The following IRAK3 variants were observed in gnomAD, a reference collection of about 807,000 sequenced individuals.
The protein encoded by IRAK3 is interleukin-1 receptor-associated kinase 3.
IRAK3 carries 57 observed loss-of-function variants against 56.6 expected under a neutral mutation model. The observed-to-expected ratio is 1.01, with a 90% confidence interval of 0.81 to 1.26. The LOEUF is 1.26. Among genes scored for constraint, IRAK3 ranks in the 50% most tolerant of loss-of-function variants. The probability of loss-of-function intolerance (pLI) is 0.00; values close to 1 mark genes in which losing one functional copy is unlikely to be tolerated. For synonymous variants in IRAK3, 258 were observed against 255.7 expected, an observed-to-expected ratio of 1.01 and a Z score of -0.09; for missense variants, 703 against 719.0, an observed-to-expected ratio of 0.98 and a Z score of 0.25.
chr12:66,203,998 C>A, intron 2 of IRAK3, 105 bp downstream of exon 2: 2 of 1,038,210 alleles, frequency 1.9e-6, no homozygotes, highest in Non-Finnish European at 3.0e-6. Context: ...TGCTCTGTGT[C>A]AGTGTTTCCT....
At chr12:66,242,764 T>C (rs1485193829) in intron 8 of IRAK3, among the ~76,000 whole-genome samples, 1 of 152,216 alleles carries the variant, frequency 6.6e-6, no homozygotes, top group East Asian at 1.9e-4. Flanking sequence ...AAGTTTAAAA[T>C]GTGTCTTTAT....
At chr12:66,228,486 A>C in intron 8 of IRAK3, 116 bp downstream of exon 8, 1 of 789,724 alleles carries the variant, frequency 1.3e-6, no homozygotes, top group Non-Finnish European at 2.3e-6. Context: ...GTGTGTGTTA[A>C]GAATTCTCAT....
At chr12:66,239,317 G>A (rs1405330713) in intron 8 of IRAK3, among the ~76,000 whole-genome samples, 1 of 131,262 alleles carries the variant, frequency 7.6e-6, no homozygotes, top group Non-Finnish European at 1.7e-5. Context: ...TTTTTTTAAT[G>A]GAAATTGATC....
intron 6 of IRAK3, among the ~76,000 whole-genome samples, chr12:66,220,955 G>C (rs2052727230): frequency 6.6e-6 from 1 of 152,154 alleles, no homozygotes; most frequent in Non-Finnish European, 1.5e-5. Context: ...AGCTCACTTT[G>C]AGTAGTATGG....
chr12:66,217,181 T>C lies in IRAK3; in HGVS notation c.599T>C (p.Met200Thr), dbSNP rs758207100. Residue 200 changes from methionine to threonine, a missense_variant, in exon 6 of 12, where the codon ATG (methionine) becomes ACG (threonine). Transcript: ENST00000261233. ...TTTCTGTATATGTAGGAGAAAAAAA[T>C]GCAGTGTAAGAAGCATTGGAAGAGG... ...AVKLFKQEKK[M>T]QCKKHWKRFL... 6.2e-7 allele frequency: 1 copy of C among 1,608,388 alleles called. No individual in the cohort carries two copies. The highest frequency in any genetic ancestry group is 1.1e-5 in the South Asian group (1 of 90,988).
At chr12:66,223,654 G>A (rs1267257787) in intron 6 of IRAK3, among the ~76,000 whole-genome samples, 6 of 145,442 alleles carry the variant, frequency 4.1e-5, no homozygotes, top group Non-Finnish European at 7.5e-5. Context: ...GCGAGACTCC[G>A]TCTCAAAAAA....
intron 6 of IRAK3, among the ~76,000 whole-genome samples, chr12:66,225,109 A>G (rs529946426): frequency 1.6e-3 from 238 of 152,200 alleles, no homozygotes; most frequent in Middle Eastern, 3.4e-3. Flanking sequence ...CTCTCTGAGC[A>G]AGAGAGTAGA....
At chr12:66,191,577 G>T (rs929117379) in intron 1 of IRAK3, among the ~76,000 whole-genome samples, 4 of 152,182 alleles carry the variant, frequency 2.6e-5, no homozygotes, top group African/African-American at 9.7e-5. Flanking sequence ...CATGCCTACT[G>T]ACTGCCTGGA....
intron 2 of IRAK3, among the ~76,000 whole-genome samples, chr12:66,206,367 T>C (rs902381720): frequency 6.6e-6 from 1 of 152,168 alleles, no homozygotes; most frequent in Non-Finnish European, 1.5e-5. Flanking sequence ...TAACTGTCGG[T>C]TTTTTGTAGA....
chr12:66,250,272 C>T lies in IRAK3; in HGVS notation c.*2101C>T, dbSNP rs957437248. The T allele has an allele frequency of 6.6e-6, 1 of 152,112 alleles. No homozygotes were observed. Among genetic ancestry groups the T allele is most frequent in the African/African-American group, 2.4e-5 (1 of 41,414 alleles). The allele number at this position is 152,112 out of a possible 1,614,324, so 9.4% of individuals were successfully genotyped here. A position where few individuals can be genotyped will look rare whatever the true frequency, so the allele number is the denominator to read the frequency against. The stretch of plus-strand genomic sequence containing the variant: ...GTTTCTTGTCCAGCAGAGGAATAGG[C>T]TCATGTCTTTTGTTTTATTTTATTT... On this transcript the variant is annotated 3_prime_UTR_variant, in exon 12 of 12. Coordinates refer to ENST00000261233, the MANE Select transcript of IRAK3 (RefSeq NM_007199.3).
intron 1 of IRAK3, among the ~76,000 whole-genome samples, chr12:66,189,712 C>G (rs1302608190): frequency 6.6e-6 from 1 of 152,202 alleles, no homozygotes. Context: ...AAAGCATCTT[C>G]TGTTCGTCCG....
At position 66,248,022 on chromosome 12, in the gene IRAK3, A is replaced by G. The variant is rs749925478; in HGVS notation, c.1642A>G (p.Ile548Val). The G allele has an allele frequency of 4.4e-6, 7 of 1,595,208 alleles. No homozygotes were observed. The highest frequency in any genetic ancestry group is 1.7e-4 in the Middle Eastern group (1 of 5,948). ...TGAAGAAAGTTGGTTCCCAAAGTAT[A>G]TAGTTCCATCCCAGGACTTAAGGCC... The part of the protein sequence containing the change: ...SCEESWFPKY[I>V]VPSQDLRPYK... Residue 548 changes from isoleucine to valine, a missense_variant, in exon 12 of 12, where the codon ATA (isoleucine) becomes GTA (valine). Coordinates refer to ENST00000261233, the MANE Select transcript of IRAK3 (RefSeq NM_007199.3).
At chr12:66,244,863 A>G in intron 9 of IRAK3, 85 bp from the exon 10 acceptor site, 1 of 1,083,916 alleles carries the variant, frequency 9.2e-7, no homozygotes, top group East Asian at 2.4e-5. Flanking sequence ...AGAATGAACT[A>G]TATTCATAGT....
In IRAK3 at chr12:66,226,128, C is replaced by T. The variant is rs144819542; in HGVS notation, c.654-595C>T. On this transcript the variant is annotated intron_variant, in intron 6 of 11. Transcript: ENST00000261233. ...ATCTTTTGTAAACTTTCCAACATTA[C>T]AAATCTTTAAAAATCTTTATTTTTT... Among the ~76,000 whole-genome samples, 193 of 152,212 alleles carry T rather than the reference C, an allele frequency of 1.3e-3. 1 individual carries two copies. Among genetic ancestry groups the T allele is most frequent in the South Asian group, 7.7e-3 (37 of 4,832 alleles).
Position 66,250,959 on chromosome 12 carries a change from G to A in IRAK3, c.*2788G>A, listed in dbSNP as rs115289004. The A allele has an allele frequency of 1.2e-3, 185 of 152,274 alleles. 1 individual carries two copies. The highest frequency in any genetic ancestry group is 4.2e-3 in the African/African-American group (176 of 41,556). 9.4% of individuals were successfully genotyped at this position (152,274 alleles called of 1,614,324 possible). A position where few individuals can be genotyped will look rare whatever the true frequency, so the allele number is the denominator to read the frequency against. Reference sequence around the variant, plus strand: ...CATCCGTGAAAATCGCTGCCTTAAGGTGCTCTTAAATTGTTATAGATTGGT... The same window carrying A: ...CATCCGTGAAAATCGCTGCCTTAAGATGCTCTTAAATTGTTATAGATTGGT... On this transcript the variant is annotated 3_prime_UTR_variant, in exon 12 of 12. Coordinates refer to ENST00000261233, the MANE Select transcript of IRAK3 (RefSeq NM_007199.3).
intron 1 of IRAK3, among the ~76,000 whole-genome samples, chr12:66,198,457 T>C (rs1218582503): frequency 1.3e-5 from 2 of 152,172 alleles, no homozygotes; most frequent in Non-Finnish European, 2.9e-5. Context: ...TTTAGCCTAG[T>C]TAAACCTTAC....
chr12:66,215,542 A>G (rs937809010), intron 5 of IRAK3, among the ~76,000 whole-genome samples: 1 of 152,128 alleles, frequency 6.6e-6, no homozygotes, highest in Non-Finnish European at 1.5e-5. Flanking sequence ...CTAGTGCCTT[A>G]TTACAGGGCC....
intron 7 of IRAK3, among the ~76,000 whole-genome samples, chr12:66,227,687 G>A (rs1043207751): frequency 6.6e-6 from 1 of 151,760 alleles, no homozygotes; most frequent in African/African-American, 2.4e-5. Context: ...TGAGCCCAGG[G>A]ACATGGAGGC....
chr12:66,234,343 G>A (rs548741802), intron 8 of IRAK3: 10 of 1,612,586 alleles, frequency 6.2e-6, no homozygotes, highest in South Asian at 5.5e-5. Context: ...ACACGGCACC[G>A]GGGTGCTGTA....
Sources: gnomAD v4.1 joint callset for allele counts (sites outside exome capture counted in the v4.1 genomes callset) on GRCh38, gnomAD v4.1.1 for gene constraint, MANE v1.5 for transcripts, NCBI Gene and HGNC (gene_info 2026-07-23, HGNC 2026-07-21) for gene names.